ROBO1: variants seen among roughly 807,000 people sequenced by gnomAD.
The protein encoded by ROBO1 is roundabout guidance receptor 1.
In ROBO1, 149 loss-of-function variants were observed where a neutral mutation model predicts 195.9. The ratio of observed to expected loss-of-function variants is 0.76; its 90% CI spans 0.67 to 0.87. The LOEUF (loss-of-function observed/expected upper bound fraction) is 0.87, where lower values mean the gene tolerates loss of function less well. Ranked by LOEUF, ROBO1 falls within the 40% of genes least tolerant of loss-of-function variation. The pLI is 0.00. For synonymous variants in ROBO1, 816 were observed against 733.2 expected (o/e 1.11, Z -1.82); for missense variants, 1,933 against 2,068.3 (o/e 0.93, Z 1.27).
chr3:79,481,671 A>G (rs1463660853), intron 2 of ROBO1, among the ~76,000 whole-genome samples: 3 of 152,168 alleles, frequency 2.0e-5, no homozygotes, highest in African/African-American at 7.2e-5. Flanking sequence ...TTTTAGTGCC[A>G]ACATTGATCT....
chr3:78,614,687 G>C lies in ROBO1; in HGVS notation c.4396C>G (p.His1466Asp), dbSNP rs1205836800. ...QKTRPAKKLKHQPGHLRRETY... is the reference protein window; with the variant it reads ...QKTRPAKKLKDQPGHLRRETY... ...TCTCTGCGCAGATGTCCTGGCTGGT[G>C]TTTCAGTTTCTTGGCTGGTCTGGTT... is the stretch of plus-strand genomic sequence containing the variant. The change falls in exon 28 of 31, where the codon CAC becomes GAC. Residue 1466 changes from histidine to aspartate, a missense_variant. By Grantham distance (81) the His-to-Asp change is moderately conservative (BLOSUM62 -1). This residue lies in a region of ROBO1 where 1,737 missense variants were observed against 1,882.5 expected (regional missense o/e 0.92). Coordinates refer to ENST00000464233, the MANE Select transcript of ROBO1 (RefSeq NM_002941.4). 5.6e-6 allele frequency: 9 copies of C among 1,613,644 alleles called. No individual in the cohort carries two copies. Among genetic ancestry groups the C allele is most frequent in the Non-Finnish European group, 7.6e-6 (9 of 1,179,812 alleles).
chr3:79,286,322 T>C (rs1211083061), intron 2 of ROBO1, among the ~76,000 whole-genome samples: 1 of 152,166 alleles, frequency 6.6e-6, no homozygotes, highest in African/African-American at 2.4e-5. Flanking sequence ...GCATTCTACA[T>C]TGAAGTTCAA....
intron 2 of ROBO1, among the ~76,000 whole-genome samples, chr3:79,448,188 T>C (rs909119480): frequency 1.3e-5 from 2 of 152,222 alleles, no homozygotes; most frequent in African/African-American, 4.8e-5. Flanking sequence ...AGGTTTAAAG[T>C]GGCAGGACCA....
intron 3 of ROBO1, among the ~76,000 whole-genome samples, chr3:79,020,459 A>C (rs1345735760): frequency 6.6e-6 from 1 of 152,190 alleles, no homozygotes; most frequent in East Asian, 1.9e-4. Flanking sequence ...TGGGAGGCCC[A>C]AGCGGGCGGA....
intron 4 of ROBO1, among the ~76,000 whole-genome samples, chr3:78,905,856 C>T (rs2037877243): frequency 6.6e-6 from 1 of 152,196 alleles, no homozygotes; most frequent in East Asian, 1.9e-4. Context: ...AACTTGCTAA[C>T]ATTAAAACAA....
intron 2 of ROBO1, among the ~76,000 whole-genome samples, chr3:79,535,203 A>G (rs923958667): frequency 1.3e-5 from 2 of 152,176 alleles, no homozygotes; most frequent in African/African-American, 4.8e-5. Context: ...TACAGCGGGA[A>G]TCTAATTCGT....
chr3:78,916,245 CAAA>C (rs34944563), intron 4 of ROBO1, among the ~76,000 whole-genome samples: 4 of 91,944 alleles, frequency 4.4e-5, no homozygotes, highest in Non-Finnish European at 4.2e-5. Flanking sequence ...GAGACTCCGT[CAAA>C]AAAAAAAAAA....
intron 5 of ROBO1, among the ~76,000 whole-genome samples, chr3:78,728,623 T>C (rs2082218808): frequency 6.6e-6 from 1 of 152,102 alleles, no homozygotes; most frequent in African/African-American, 2.4e-5. Flanking sequence ...ATGTTTTATA[T>C]AACAAAAGGA....
At chr3:79,305,828 C>T (rs1237806742) in intron 2 of ROBO1, among the ~76,000 whole-genome samples, 2 of 152,004 alleles carry the variant, frequency 1.3e-5, no homozygotes, top group African/African-American at 4.8e-5. Context: ...GTGGAAAGAA[C>T]ATTGTTCACT....
At chr3:79,363,094 G>A (rs1390135310) in intron 2 of ROBO1, among the ~76,000 whole-genome samples, 2 of 152,120 alleles carry the variant, frequency 1.3e-5, no homozygotes, top group Non-Finnish European at 2.9e-5. Flanking sequence ...GAAAAAGAGA[G>A]AGCCACTCTT....
intron 28 of ROBO1, among the ~76,000 whole-genome samples, chr3:78,610,995 T>TACAAATTGGATTTC (rs1419145095): frequency 6.6e-6 from 1 of 152,214 alleles, no homozygotes. Context: ...CCATGAGTAG[T>TACAAATTGGATTTC]ACAAATTGGA....
intron 5 of ROBO1, among the ~76,000 whole-genome samples, chr3:78,735,929 A>G (rs1251780914): frequency 6.6e-6 from 1 of 152,044 alleles, no homozygotes; most frequent in African/African-American, 2.4e-5. Flanking sequence ...CTTGGCATCT[A>G]TTTCTCCCTG....
intron 2 of ROBO1, among the ~76,000 whole-genome samples, chr3:79,247,838 C>G (rs6793289): frequency 0.057 from 8,600 of 152,044 alleles, 353 homozygotes; most frequent in African/African-American, 0.12. Context: ...GGCAGAAGGA[C>G]TTATTTAAAC....
chr3:78,928,393 T>C (rs2039329501), intron 4 of ROBO1, among the ~76,000 whole-genome samples: 1 of 152,080 alleles, frequency 6.6e-6, no homozygotes, highest in Admixed American at 6.6e-5. Context: ...CAGAAAGAAC[T>C]CATTTAATGG....
At chr3:79,451,628 A>C (rs2039444716) in intron 2 of ROBO1, among the ~76,000 whole-genome samples, 1 of 152,106 alleles carries the variant, frequency 6.6e-6, no homozygotes, top group African/African-American at 2.4e-5. Flanking sequence ...AGCTGTGTTT[A>C]GTTTAGTGGA....
chr3:78,627,295 A>T, intron 26 of ROBO1, 26 bp downstream of exon 26: 1 of 1,599,456 alleles, frequency 6.3e-7, no homozygotes, highest in South Asian at 1.1e-5. Flanking sequence ...CTGATTTGTT[A>T]GCAAAGAAGG....
intron 2 of ROBO1, among the ~76,000 whole-genome samples, chr3:79,391,426 C>A (rs4501075): frequency 6.6e-6 from 1 of 152,116 alleles, no homozygotes; most frequent in Non-Finnish European, 1.5e-5. Flanking sequence ...ATTTTGTACT[C>A]TAATAAATAG....
intron 2 of ROBO1, among the ~76,000 whole-genome samples, chr3:79,390,543 G>C (rs537811050): frequency 6.6e-6 from 1 of 152,128 alleles, no homozygotes; most frequent in East Asian, 1.9e-4. Context: ...GTGGTGTGAC[G>C]TCATGGAAGC....
chr3:78,907,366 G>C (rs926253036), intron 4 of ROBO1, among the ~76,000 whole-genome samples: 5 of 152,022 alleles, frequency 3.3e-5, no homozygotes, highest in African/African-American at 1.2e-4. Context: ...GGGAAGATGT[G>C]GAATTATACA....
Sources: gnomAD v4.1 joint callset for allele counts (sites outside exome capture counted in the v4.1 genomes callset) on GRCh38, gnomAD v4.1.1 for gene constraint, gnomAD v4.1.1 regional missense constraint, MANE v1.5 for transcripts, NCBI Gene and HGNC (gene_info 2026-07-23, HGNC 2026-07-21) for gene names.